The following BNC2 variants were observed in gnomAD, a reference collection of about 807,000 sequenced individuals.
BNC2 encodes the protein zinc finger protein basonuclin-2.
BNC2 carries 20 observed loss-of-function variants against 76.3 expected under a neutral mutation model. That is an observed-to-expected ratio of 0.26 (90% CI 0.18 to 0.38). The LOEUF (loss-of-function observed/expected upper bound fraction) is 0.38. Ranked by LOEUF, BNC2 falls within the 10% of genes least tolerant of loss-of-function variation. The pLI is 1.00. For missense variants in BNC2, 1,382 were observed against 1,399.8 expected (o/e 0.99, Z 0.20); for synonymous variants, 582 against 514.8 (o/e 1.13, Z -1.77).
At chr9:16,622,138 G>A (rs1332953194) in intron 3 of BNC2, among the ~76,000 whole-genome samples, 2 of 152,044 alleles carry the variant, frequency 1.3e-5, no homozygotes, top group African/African-American at 4.8e-5. Flanking sequence ...CAAGGAAATG[G>A]ATTCTAAATT....
At chr9:16,864,546 T>A (rs1263010146) in intron 1 of BNC2, among the ~76,000 whole-genome samples, 2 of 152,180 alleles carry the variant, frequency 1.3e-5, no homozygotes, top group Non-Finnish European at 2.9e-5. Context: ...CTTGGCCTGT[T>A]AAGCAAAATT....
Position 16,832,403 on chromosome 9 carries a change from GA to G in BNC2, c.3+38242del, listed in dbSNP as rs1036717427. ...TGTTTTGCCCAGTTTTAGAGGCCTA[GA>G]AGAGTTCCTTTCAAGAACATAGCTA... On this transcript the variant is annotated intron_variant, in intron 1 of 6. Coordinates refer to ENST00000380672, the MANE Select transcript of BNC2 (RefSeq NM_017637.6). The G allele has an allele frequency of 7.7e-6, 6 of 778,290 alleles. No individual in the cohort carries two copies. The Admixed American group carries it at 2.7e-4, about 35-fold the overall frequency. The allele number at this position is 778,290 out of a possible 1,614,324, so 48.2% of individuals were successfully genotyped here.
At chr9:16,735,340 G>C (rs952907073) in intron 2 of BNC2, among the ~76,000 whole-genome samples, 1 of 149,104 alleles carries the variant, frequency 6.7e-6, no homozygotes, top group Non-Finnish European at 1.5e-5. Flanking sequence ...TATATTCAAT[G>C]TTTTATGAGA....
chr9:16,837,491 GA>G (rs1327340147), intron 1 of BNC2, among the ~76,000 whole-genome samples: 1 of 152,064 alleles, frequency 6.6e-6, no homozygotes, highest in Admixed American at 6.6e-5. Flanking sequence ...GCGACAGTGC[GA>G]GACTCCATCC....
chr9:16,621,408 G>A (rs537948974), intron 3 of BNC2, among the ~76,000 whole-genome samples: 1 of 152,186 alleles, frequency 6.6e-6, no homozygotes, highest in Non-Finnish European at 1.5e-5. Context: ...GGAGTAAAGT[G>A]ACGAAGGAAA....
chr9:16,836,884 A>G (rs1282240634), intron 1 of BNC2, among the ~76,000 whole-genome samples: 1 of 152,190 alleles, frequency 6.6e-6, no homozygotes, highest in Admixed American at 6.5e-5. Flanking sequence ...TGTCCACAGC[A>G]TTGAGTGATA....
chr9:16,788,118 G>C (rs745498538), intron 1 of BNC2, among the ~76,000 whole-genome samples: 1 of 152,106 alleles, frequency 6.6e-6, no homozygotes, highest in Non-Finnish European at 1.5e-5. Context: ...CTCCAGCCTG[G>C]ATTTGTGACA....
chr9:16,447,096 C>T (rs1563787906), intron 5 of BNC2, among the ~76,000 whole-genome samples: 1 of 152,172 alleles, frequency 6.6e-6, no homozygotes, highest in South Asian at 2.1e-4. Context: ...TTTAAAGACA[C>T]ATTTTAATAT....
At chr9:16,425,154 T>A (rs142014474) in intron 6 of BNC2, among the ~76,000 whole-genome samples, 1 of 152,144 alleles carries the variant, frequency 6.6e-6, no homozygotes, top group Non-Finnish European at 1.5e-5. Context: ...ACTCAGTCAT[T>A]TCAACCCCTT....
At chr9:16,842,163 T>C (rs1818847505) in intron 1 of BNC2, among the ~76,000 whole-genome samples, 1 of 152,218 alleles carries the variant, frequency 6.6e-6, no homozygotes, top group African/African-American at 2.4e-5. Context: ...TGCTTTGCCT[T>C]ATGTTATTTT....
At chr9:16,792,429 T>C (rs577485472) in intron 1 of BNC2, among the ~76,000 whole-genome samples, 7 of 152,306 alleles carry the variant, frequency 4.6e-5, no homozygotes, top group Middle Eastern at 3.4e-3. Context: ...GGGTATAATA[T>C]TGACTCCTAG....
intron 3 of BNC2, among the ~76,000 whole-genome samples, chr9:16,586,174 CAGAA>C (rs1325343428): frequency 4.4e-4 from 67 of 152,060 alleles, no homozygotes; most frequent in African/African-American, 1.5e-3. Flanking sequence ...TCCGAGTGCC[CAGAA>C]GAGGGTTGGA....
chr9:16,844,488 CTTTTCTTTTTT>C (rs1323537619), intron 1 of BNC2, among the ~76,000 whole-genome samples: 1 of 125,964 alleles, frequency 7.9e-6, no homozygotes, highest in Non-Finnish European at 1.6e-5. Flanking sequence ...GAATATTTTT[CTTTTCTTTTTT>C]TTTTTTTTTT....
Position 16,437,190 on chromosome 9 carries a change from A to G in BNC2, c.1004T>C (p.Leu335Pro). ...FQYINPVSAP[L>P]LGLPPNGLLL... The stretch of plus-strand genomic sequence containing the variant: ...TAGCCCATTTGGAGGCAACCCTAGC[A>G]GTGGTGCTGAGACAGGGTTTATGTA... Residue 335 changes from leucine to proline, a missense_variant, in exon 6 of 7, where the codon CTG (leucine) becomes CCG (proline). This residue lies in a region of BNC2 where 557 missense variants were observed against 540.9 expected (regional missense o/e 1.03). Coordinates refer to ENST00000380672, the MANE Select transcript of BNC2 (RefSeq NM_017637.6). 1 of 1,614,206 alleles carries G rather than the reference A, an allele frequency of 6.2e-7. No individual in the cohort carries two copies. The highest frequency in any genetic ancestry group is 8.5e-7 in the Non-Finnish European group (1 of 1,180,038).
At chr9:16,804,304 C>T (rs765330600) in intron 1 of BNC2, among the ~76,000 whole-genome samples, 13 of 152,180 alleles carry the variant, frequency 8.5e-5, no homozygotes, top group Admixed American at 2.6e-4. Flanking sequence ...ATCCCCAGAA[C>T]GTTTTGATGT....
rs140842763 is a variant in BNC2, at chr9:16,451,840, C to G, written c.670-14316G>C. Among the ~76,000 whole-genome samples the G allele has an allele frequency of 4.5e-3, 692 of 152,280 alleles. 2 individuals are homozygous for G. Among genetic ancestry groups the G allele is most frequent in the Middle Eastern group, 0.017 (5 of 294 alleles). ...ATTTCAGGTTTATCGTCCTTGATATCCCCACTGCCAAGAAGACTCAATGCT... is the reference window on the plus strand; with the variant it reads ...ATTTCAGGTTTATCGTCCTTGATATGCCCACTGCCAAGAAGACTCAATGCT... On this transcript the variant is annotated intron_variant, in intron 5 of 6. Transcript: ENST00000380672.
chr9:16,709,586 G>A (rs1056062954), intron 3 of BNC2, among the ~76,000 whole-genome samples: 1 of 152,242 alleles, frequency 6.6e-6, no homozygotes, highest in African/African-American at 2.4e-5. Context: ...CCTCATTAGA[G>A]GGACTATTTC....
intron 5 of BNC2, among the ~76,000 whole-genome samples, chr9:16,515,570 G>T (rs1381482492): frequency 1.3e-5 from 2 of 151,854 alleles, no homozygotes; most frequent in African/African-American, 4.8e-5. Flanking sequence ...GCTTAGTGAG[G>T]ACTCGGAGGT....
chr9:16,861,833 C>T (rs1220399345), intron 1 of BNC2, among the ~76,000 whole-genome samples: 1 of 151,970 alleles, frequency 6.6e-6, no homozygotes, highest in Non-Finnish European at 1.5e-5. Context: ...ACTAAAAATA[C>T]AAAAAATTAG....
Sources: gnomAD v4.1 joint callset for allele counts (sites outside exome capture counted in the v4.1 genomes callset) on GRCh38, gnomAD v4.1.1 for gene constraint, gnomAD v4.1.1 regional missense constraint, MANE v1.5 for transcripts, NCBI Gene and HGNC (gene_info 2026-07-23, HGNC 2026-07-21) for gene names.